NSFL1C: variants seen among roughly 807,000 people sequenced by gnomAD.
NSFL1C encodes NSFL1 cofactor p47.
NSFL1C carries 14 observed loss-of-function variants against 43.1 expected under a neutral mutation model. The observed-to-expected ratio is 0.32, with a 90% CI of 0.21 to 0.51. The LOEUF (loss-of-function observed/expected upper bound fraction) is 0.51, where lower values mean the gene tolerates loss of function less well. Ranked by LOEUF, NSFL1C falls within the 20% of genes least tolerant of loss-of-function variation. The pLI, the probability that NSFL1C is intolerant of heterozygous loss-of-function variation, is 0.98. For missense variants in NSFL1C, 406 were observed against 472.5 expected (o/e 0.86, Z 1.30); for synonymous variants, 171 against 183.5 (o/e 0.93, Z 0.55).
At chr20:1,466,571 T>A in intron 1 of NSFL1C, 149 bp downstream of exon 1, 1 of 679,932 alleles carries the variant, frequency 1.5e-6, no homozygotes, top group Non-Finnish European at 2.3e-6. Flanking sequence ...AGGCGACGCG[T>A]GACAAGCGGT....
chr20:1,449,475 G>GT (rs1896295086), intron 7 of NSFL1C, among the ~76,000 whole-genome samples: 1 of 152,174 alleles, frequency 6.6e-6, no homozygotes, highest in Non-Finnish European at 1.5e-5. Context: ...AAGAATATTA[G>GT]TTCCATAGTG....
At chr20:1,458,173 C>T (rs746034600) in intron 3 of NSFL1C, 27 bp downstream of exon 3, 11 of 1,587,224 alleles carry the variant, frequency 6.9e-6, no homozygotes, top group Non-Finnish European at 9.5e-6. Flanking sequence ...TGTGAACTGT[C>T]CCCCTGACCC....
At position 1,442,178 on chromosome 20, in the gene NSFL1C, T is replaced by C. The variant is rs928934577; in HGVS notation, c.*1571A>G. ...GTACAAAACTCCATTGTCCTCATTC[T>C]GGTTTTTAATGGTCAAGGTGACAAC... On this transcript the variant is annotated 3_prime_UTR_variant, in exon 9 of 9. Coordinates refer to ENST00000216879, the MANE Select transcript of NSFL1C (RefSeq NM_016143.5). 6.6e-6 allele frequency: 1 copy of C among 152,248 alleles called. No homozygotes were observed. Among genetic ancestry groups the C allele is most frequent in the African/African-American group, 2.4e-5 (1 of 41,466 alleles). 9.4% of individuals were successfully genotyped at this position (152,248 alleles called of 1,614,324 possible).
At position 1,463,956 on chromosome 20, in the gene NSFL1C, A is replaced by G. The variant is rs866211691; in HGVS notation, c.203+373T>C. The G allele has an allele frequency of 2.4e-5, 5 of 204,240 alleles. No individual in the cohort carries two copies. The South Asian group carries it at 7.4e-4, about 30-fold the overall frequency. 12.7% of individuals were successfully genotyped at this position (204,240 alleles called of 1,614,324 possible). ...CTTAATAAGGTAACGGGCATCCTAA[A>G]ATATCAAAACAGCTTTCCTAAGTCA... is the stretch of plus-strand genomic sequence containing the variant. On this transcript the variant is annotated intron_variant, in intron 2 of 8. Coordinates refer to ENST00000216879, the MANE Select transcript of NSFL1C (RefSeq NM_016143.5).
intron 7 of NSFL1C, among the ~76,000 whole-genome samples, chr20:1,448,005 T>C (rs2090101673): frequency 6.6e-6 from 1 of 152,236 alleles, no homozygotes; most frequent in South Asian, 2.1e-4. Flanking sequence ...AGCCAGGATT[T>C]TGTCAAGCTT....
chr20:1,458,013 A>C (rs1241592264), intron 3 of NSFL1C, 187 bp downstream of exon 3: 3 of 516,190 alleles, frequency 5.8e-6, no homozygotes, highest in Non-Finnish European at 1.1e-5. Flanking sequence ...TAAGTAACGG[A>C]ACAGGGGTCA....
Position 1,464,342 on chromosome 20 carries a change from C to T in NSFL1C, c.190G>A (p.Gly64Ser). 1 of 1,614,212 alleles carries T rather than the reference C, an allele frequency of 6.2e-7. No homozygotes were observed. Among genetic ancestry groups the T allele is most frequent in the Non-Finnish European group, 8.5e-7 (1 of 1,180,026 alleles). ...GCTGGCCCTTACCTGGGGGCTGTGC[C>T]TCTGGACACTGAACTGGGGGTTGCC... ...SQATPSSVSR[G>S]TAPSDNRVTS... is the part of the protein sequence containing the mutation. The change falls in exon 2 of 9, where the codon GGC becomes AGC. Residue 64 changes from glycine to serine, a missense_variant. Physicochemically the swap from Gly to Ser is moderately conservative, Grantham distance 56. Around this residue, in one of 3 missense-constraint regions of NSFL1C, gnomAD observed 203 missense variants for 216.3 expected, o/e 0.94. Transcript: ENST00000216879.
chr20:1,455,189 T>C, intron 3 of NSFL1C, 57 bp from the exon 4 acceptor site: 3 of 1,599,984 alleles, frequency 1.9e-6, no homozygotes, highest in Non-Finnish European at 2.6e-6. Flanking sequence ...GAATAGAGCA[T>C]GTGCCAGGTT....
At chr20:1,461,181 G>A (rs2090403819) in intron 2 of NSFL1C, among the ~76,000 whole-genome samples, 1 of 152,156 alleles carries the variant, frequency 6.6e-6, no homozygotes. Context: ...CCCACTTCCA[G>A]GAATTTACAA....
chr20:1,458,946 G>A (rs2090357217), intron 2 of NSFL1C, among the ~76,000 whole-genome samples: 1 of 152,148 alleles, frequency 6.6e-6, no homozygotes, highest in African/African-American at 2.4e-5. Flanking sequence ...TGTATGGGAT[G>A]GGCACAACTA....
chr20:1,466,636 T>C lies in NSFL1C; in HGVS notation c.105+84A>G, dbSNP rs896147922. 21 of 1,333,362 alleles carry C rather than the reference T, an allele frequency of 1.6e-5. No individual in the cohort carries two copies. The Admixed American group carries it at 4.4e-4, about 28-fold the overall frequency. The allele number at this position is 1,333,362 out of a possible 1,614,324, so 82.6% of individuals were successfully genotyped here. On this transcript the variant is annotated intron_variant, in intron 1 of 8. Transcript: ENST00000216879. Reference sequence around the variant, plus strand: ...CGGTAGAGCGGGGATGACTGTGCGCTTCGGCCGCCGCGGGCTTAAGGCACC... The same window carrying C: ...CGGTAGAGCGGGGATGACTGTGCGCCTCGGCCGCCGCGGGCTTAAGGCACC...
chr20:1,445,328 C>T (rs1256769298), intron 8 of NSFL1C, among the ~76,000 whole-genome samples: 2 of 152,168 alleles, frequency 1.3e-5, no homozygotes, highest in Non-Finnish European at 2.9e-5. Context: ...TCAACCACAG[C>T]AGTTCTAATT....
Position 1,445,556 on chromosome 20 carries a change from T to TTCTG in NSFL1C, c.950+109_950+110insCAGA, listed in dbSNP as rs2090039909. 8 of 1,266,688 alleles carry TTCTG rather than the reference T, an allele frequency of 6.3e-6. No individual in the cohort carries two copies. In the East Asian group the frequency reaches 1.9e-4, roughly 29 times the overall value. 78.5% of individuals were successfully genotyped at this position (1,266,688 alleles called of 1,614,324 possible). A position where few individuals can be genotyped will look rare whatever the true frequency, so the allele number is the denominator to read the frequency against. On this transcript the variant is annotated intron_variant, in intron 8 of 8. Transcript: ENST00000216879. ...CCTCGTGTCTGCTTTGGGGAAAGCA[T>TTCTG]GGAGTGCCTGCTGGTATTTAGGAGG...
intron 2 of NSFL1C, among the ~76,000 whole-genome samples, chr20:1,460,397 C>T (rs1009055885): frequency 9.9e-5 from 15 of 152,150 alleles, no homozygotes; most frequent in African/African-American, 3.4e-4. Context: ...TGAGGTAATT[C>T]CGACATATAT....
intron 4 of NSFL1C, 50 bp downstream of exon 4, chr20:1,454,917 A>AAG: frequency 6.3e-7 from 1 of 1,575,346 alleles, no homozygotes; most frequent in Non-Finnish European, 8.7e-7. Flanking sequence ...TGGCATTCCC[A>AAG]GTTCTGGAAT....
rs766785510 is a variant in NSFL1C at position 1,453,057 on chromosome 20, G to A, written c.621C>T (p.Ala207=). 1.2e-6 allele frequency: 2 copies of A among 1,612,300 alleles called. No individual in the cohort carries two copies. Among genetic ancestry groups the A allele is most frequent in the South Asian group, 2.2e-5 (2 of 91,032 alleles). ...ELRSYQDPSN[A]QFLESIRRGE... ...CTCTGCGGATAGACTCCAGAAACTG[G>A]GCATTGGATGGGTCTTGGTAGCTTC... The change falls in exon 6 of 9, where the codon GCC becomes GCT. Residue 207 remains alanine, a synonymous_variant. Coordinates refer to ENST00000216879, the MANE Select transcript of NSFL1C (RefSeq NM_016143.5).
At chr20:1,458,419 T>C in intron 2 of NSFL1C, 145 bp from the exon 3 acceptor site, 2 of 623,778 alleles carry the variant, frequency 3.2e-6, no homozygotes, top group East Asian at 2.7e-5. Flanking sequence ...GTTAATCCCC[T>C]AAGATTACAC....
At chr20:1,445,583 A>G in intron 8 of NSFL1C, 83 bp downstream of exon 8, 1 of 1,490,176 alleles carries the variant, frequency 6.7e-7, no homozygotes, top group Admixed American at 1.8e-5. Flanking sequence ...TTTAGGAGGA[A>G]GAACGGCTCT....
Position 1,452,515 on chromosome 20 carries a change from C to T in NSFL1C, c.763G>A (p.Gly255Ser). The T allele has an allele frequency of 6.2e-7, 1 of 1,614,214 alleles. No homozygotes were observed. Among genetic ancestry groups the T allele is most frequent in the Non-Finnish European group, 8.5e-7 (1 of 1,180,042 alleles). ...KPKGAFKAFT[G>S]EGQKLGSTAP... ...TACCTGCCCAGTTTCTGACCCTCGC[C>T]AGTGAAGGCTTTGAAGGCTCCTTTG... The change falls in exon 7 of 9, where the codon GGC (glycine) becomes AGC (serine). Residue 255 changes from glycine to serine, a missense_variant. By Grantham distance (56) the Gly-to-Ser change is moderately conservative. Around this residue, in one of 3 missense-constraint regions of NSFL1C, gnomAD observed 196 missense variants for 228.0 expected, o/e 0.86. Transcript: ENST00000216879.
Sources: allele counts gnomAD v4.1 joint callset (sites outside exome capture counted in the v4.1 genomes callset), GRCh38; gene constraint gnomAD v4.1.1; regional missense constraint gnomAD v4.1.1; transcripts MANE v1.5; gene names NCBI Gene and HGNC (gene_info 2026-07-23, HGNC 2026-07-21).